GALNT5: variants seen among roughly 807,000 people sequenced by gnomAD.
GALNT5 encodes the protein UDP-GalNAc:polypeptide N-acetylgalactosaminyltransferase 5.
Under a neutral mutation model 85.4 loss-of-function variants are expected in GALNT5, and 72 were observed. That is an observed-to-expected ratio of 0.84 (90% CI 0.70 to 1.03). The LOEUF (loss-of-function observed/expected upper bound fraction) is 1.03, where lower values mean the gene tolerates loss of function less well. Ranked by LOEUF, GALNT5 falls within the 50% of genes least tolerant of loss-of-function variation. The pLI is 0.00. For synonymous variants in GALNT5, 404 were observed against 397.0 expected (o/e 1.02, Z -0.21); for missense variants, 1,137 against 1,135.5 (o/e 1.00, Z -0.02).
intron 1 of GALNT5, among the ~76,000 whole-genome samples, chr2:157,266,916 T>A (rs1051543058): frequency 1.3e-5 from 2 of 152,100 alleles, no homozygotes; most frequent in African/African-American, 4.8e-5. Flanking sequence ...GAGAAAAAAA[T>A]TATAGGAAAG....
In GALNT5 at chr2:157,258,122, G is replaced by A. The variant is rs756713064; in HGVS notation, c.40G>A (p.Val14Ile). 1 of 1,614,072 alleles carries A rather than the reference G, an allele frequency of 6.2e-7. No homozygotes were observed. Among genetic ancestry groups the A allele is most frequent in the Admixed American group, 1.7e-5 (1 of 60,016 alleles). The part of the protein sequence containing the change: ...IRKFFRGSGR[V>I]LAFIFVASVI... ...AAAGTTTTTCCGAGGAAGTGGGCGAGTCTTGGCATTTATCTTTGTAGCTTC... is the reference window on the plus strand; with the variant it reads ...AAAGTTTTTCCGAGGAAGTGGGCGAATCTTGGCATTTATCTTTGTAGCTTC... The change falls in exon 1 of 10, where the codon GTC (valine) becomes ATC (isoleucine). Residue 14 changes from valine to isoleucine, a missense_variant. Transcript: ENST00000259056.
intron 4 of GALNT5, 77 bp from the exon 5 acceptor site, chr2:157,296,317 C>T (rs895577067): frequency 5.2e-6 from 6 of 1,154,062 alleles, no homozygotes; most frequent in East Asian, 2.4e-5. Flanking sequence ...TTGATTACAT[C>T]GTGAAGCCAA....
rs745960050 is a variant in GALNT5, at chr2:157,305,721, A to G, written c.2440-28A>G. On this transcript the variant is annotated intron_variant, in intron 7 of 9. Transcript: ENST00000259056. ...CTTGTTTTACTTTAAAATATTTTGTAATTCCTGTTTCGTATTTTGCTTTTT... is the reference window on the plus strand; with the variant it reads ...CTTGTTTTACTTTAAAATATTTTGTGATTCCTGTTTCGTATTTTGCTTTTT... 7.2e-6 allele frequency: 9 copies of G among 1,251,018 alleles called. No homozygotes were observed. The South Asian group carries it at 9.6e-5, about 13-fold the overall frequency. The allele number at this position is 1,251,018 out of a possible 1,614,324, so 77.5% of individuals were successfully genotyped here. A position where few individuals can be genotyped will look rare whatever the true frequency, so the allele number is the denominator to read the frequency against.
chr2:157,307,292 G>A (rs113979405), intron 8 of GALNT5, among the ~76,000 whole-genome samples: 312 of 152,220 alleles, frequency 2.0e-3, no homozygotes, highest in African/African-American at 6.5e-3. Flanking sequence ...GAATTAATGA[G>A]GCTTAATACC....
intron 1 of GALNT5, among the ~76,000 whole-genome samples, chr2:157,283,547 C>G (rs1238015875): frequency 6.6e-6 from 1 of 152,122 alleles, no homozygotes; most frequent in South Asian, 2.1e-4. Flanking sequence ...AGCAAGGAAG[C>G]CCCGGATACG....
In GALNT5 at chr2:157,258,465, A is replaced by G; in HGVS notation, c.383A>G (p.His128Arg). The G allele has an allele frequency of 6.2e-7, 1 of 1,605,826 alleles. No homozygotes were observed. Among genetic ancestry groups the G allele is most frequent in the Non-Finnish European group, 8.5e-7 (1 of 1,177,124 alleles). Residue 128 changes from histidine to arginine, a missense_variant, in exon 1 of 10, where the codon CAT becomes CGT. By Grantham distance (29) the His-to-Arg change is conservative. Coordinates refer to ENST00000259056, the MANE Select transcript of GALNT5 (RefSeq NM_014568.3). ...LGRGKVVPLWHPAHLQTLPVT... is the reference protein window; with the variant it reads ...LGRGKVVPLWRPAHLQTLPVT... ...AGGGGCAAGGTTGTGCCGTTGTGGC[A>G]TCCTGCACATCTGCAGACCCTCCCT... is the stretch of plus-strand genomic sequence containing the variant.
rs1422384883 is a variant in GALNT5 at position 157,317,196 on chromosome 2, A to ATTTTT, written c.*5849_*5850insTTTTT. On this transcript the variant is annotated 3_prime_UTR_variant, in exon 10 of 10. Transcript: ENST00000259056. The stretch of plus-strand genomic sequence containing the variant: ...TGTGTATATATATATATATATATAT[A>ATTTTT]TATTTTTTTTTTTGATGCTTTGATC... Among the ~76,000 whole-genome samples the ATTTTT allele has an allele frequency of 2.3e-5, 3 of 132,566 alleles. No individual in the cohort carries two copies. The highest frequency in any genetic ancestry group is 2.2e-4 in the South Asian group (1 of 4,482). The allele number at this position is 132,566 out of a possible 152,430, so 87.0% of individuals were successfully genotyped here.
intron 1 of GALNT5, among the ~76,000 whole-genome samples, chr2:157,278,589 T>C (rs1056277825): frequency 6.6e-6 from 1 of 152,196 alleles, no homozygotes; most frequent in African/African-American, 2.4e-5. Flanking sequence ...ATACCCTTTC[T>C]TCCACTTGAT....
rs1314548720 is a variant in GALNT5 at position 157,311,857 on chromosome 2, A to G, written c.*509A>G. On this transcript the variant is annotated 3_prime_UTR_variant, in exon 10 of 10. Coordinates refer to ENST00000259056, the MANE Select transcript of GALNT5 (RefSeq NM_014568.3). ...CACGTTTGTGAAATCCCTCCAGACTACATGCATGCTTACCTAACAGTTTGA... is the reference window on the plus strand; with the variant it reads ...CACGTTTGTGAAATCCCTCCAGACTGCATGCATGCTTACCTAACAGTTTGA... 1.3e-5 allele frequency: 2 copies of G among 152,414 alleles called. No individual in the cohort carries two copies. Among genetic ancestry groups the G allele is most frequent in the Non-Finnish European group, 2.9e-5 (2 of 68,230 alleles). 9.4% of individuals were successfully genotyped at this position (152,414 alleles called of 1,614,324 possible).
Position 157,258,108 on chromosome 2 carries a change from G to A in GALNT5, c.26G>A (p.Arg9Gln), listed in dbSNP as rs545992512. ...ATGAACAGGATCCGAAAGTTTTTCCGAGGAAGTGGGCGAGTCTTGGCATTT... is the reference window on the plus strand; with the variant it reads ...ATGAACAGGATCCGAAAGTTTTTCCAAGGAAGTGGGCGAGTCTTGGCATTT... Reference protein sequence around the residue: MNRIRKFFRGSGRVLAFIF... With the variant: MNRIRKFFQGSGRVLAFIF... The change falls in exon 1 of 10, where the codon CGA becomes CAA. Residue 9 changes from arginine (R) to glutamine (Q), a missense_variant. Physicochemically the swap from Arg to Gln is conservative, Grantham distance 43. Transcript: ENST00000259056. 41 of 1,613,948 alleles carry A rather than the reference G, an allele frequency of 2.5e-5. No homozygotes were observed. The highest frequency in any genetic ancestry group is 8.9e-5 in the East Asian group (4 of 44,858).
intron 7 of GALNT5, among the ~76,000 whole-genome samples, chr2:157,303,771 A>G (rs1282190364): frequency 6.6e-6 from 1 of 152,198 alleles, no homozygotes; most frequent in Non-Finnish European, 1.5e-5. Flanking sequence ...AGGGACAGAA[A>G]AGTTTTATCT....
In GALNT5 at chr2:157,317,736, T is replaced by C. The variant is rs1035121889; in HGVS notation, c.*6388T>C. ...TTACTTTCTAAATTCATTTCCAAAATTCTCCTGTGCTGGCAGTTAGCTACT... is the reference window on the plus strand; with the variant it reads ...TTACTTTCTAAATTCATTTCCAAAACTCTCCTGTGCTGGCAGTTAGCTACT... On this transcript the variant is annotated 3_prime_UTR_variant, in exon 10 of 10. Coordinates refer to ENST00000259056, the MANE Select transcript of GALNT5 (RefSeq NM_014568.3). 9.2e-5 allele frequency among the ~76,000 whole-genome samples: 14 copies of C among 152,156 alleles called. No individual in the cohort carries two copies. Among genetic ancestry groups the C allele is most frequent in the African/African-American group, 3.1e-4 (13 of 41,458 alleles).
chr2:157,307,853 A>G (rs2105170320), intron 8 of GALNT5, among the ~76,000 whole-genome samples: 1 of 152,326 alleles, frequency 6.6e-6, no homozygotes, highest in South Asian at 2.1e-4. Flanking sequence ...CGGGTAGACA[A>G]TAGTAGGTTG....
intron 1 of GALNT5, among the ~76,000 whole-genome samples, chr2:157,269,448 C>A (rs1418281047): frequency 1.3e-5 from 2 of 152,122 alleles, no homozygotes; most frequent in Non-Finnish European, 2.9e-5. Context: ...TGATCTGTAC[C>A]ATATAATCTT....
At chr2:157,288,423 A>T (rs994024305) in intron 3 of GALNT5, among the ~76,000 whole-genome samples, 2 of 152,218 alleles carry the variant, frequency 1.3e-5, no homozygotes, top group African/African-American at 4.8e-5. Context: ...ATACTCAAGA[A>T]CTAGTTTAAA....
rs1683762610 is a variant in GALNT5 at position 157,318,195 on chromosome 2, A to G, written c.*6847A>G. On this transcript the variant is annotated 3_prime_UTR_variant, in exon 10 of 10. Coordinates refer to ENST00000259056, the MANE Select transcript of GALNT5 (RefSeq NM_014568.3). Reference sequence around the variant, plus strand: ...TTAAATGTTTTCCCTATCACATTGAAAAACTTAAATGTCCGTTCTCCATTT... The same window carrying G: ...TTAAATGTTTTCCCTATCACATTGAGAAACTTAAATGTCCGTTCTCCATTT... Among the ~76,000 whole-genome samples the G allele has an allele frequency of 6.6e-6, 1 of 152,078 alleles. No individual in the cohort carries two copies. The highest frequency in any genetic ancestry group is 6.6e-5 in the Admixed American group (1 of 15,252).
chr2:157,267,771 T>G (rs1682489271), intron 1 of GALNT5, among the ~76,000 whole-genome samples: 1 of 152,238 alleles, frequency 6.6e-6, no homozygotes, highest in Admixed American at 6.5e-5. Context: ...CAGCCGCAGC[T>G]GGCTAAGAAC....
chr2:157,260,126 C>A (rs1271395897), intron 1 of GALNT5, among the ~76,000 whole-genome samples: 2 of 152,158 alleles, frequency 1.3e-5, no homozygotes, highest in Non-Finnish European at 2.9e-5. Flanking sequence ...ACATAGGAAT[C>A]ATAATGTTGG....
At chr2:157,275,434 T>A (rs1682700794) in intron 1 of GALNT5, among the ~76,000 whole-genome samples, 1 of 152,222 alleles carries the variant, frequency 6.6e-6, no homozygotes, top group Non-Finnish European at 1.5e-5. Context: ...ATGGCCATTT[T>A]CACTATATTG....
Sources: allele counts gnomAD v4.1 joint callset (sites outside exome capture counted in the v4.1 genomes callset), GRCh38; gene constraint gnomAD v4.1.1; transcripts MANE v1.5; gene names NCBI Gene and HGNC (gene_info 2026-07-23, HGNC 2026-07-21).